ZC3H15: variants seen among roughly 807,000 people sequenced by gnomAD.
The protein encoded by ZC3H15 is zinc finger CCCH domain-containing protein 15.
In ZC3H15, 15 loss-of-function variants were observed where a neutral mutation model predicts 51.2. The observed-to-expected ratio is 0.29, with a 90% CI of 0.20 to 0.45. The LOEUF (loss-of-function observed/expected upper bound fraction) is 0.45. Ranked by LOEUF, ZC3H15 falls within the 20% of genes least tolerant of loss-of-function variation. The probability of loss-of-function intolerance (pLI) is 1.00; values close to 1 mark genes in which losing one functional copy is unlikely to be tolerated. For missense variants in ZC3H15, 381 were observed against 494.7 expected (o/e 0.77, Z 2.18); for synonymous variants, 144 against 162.8 (o/e 0.88, Z 0.88).
At chr2:186,491,031 G>C (rs1234941730) in intron 1 of ZC3H15, among the ~76,000 whole-genome samples, 3 of 151,972 alleles carry the variant, frequency 2.0e-5, no homozygotes, top group African/African-American at 7.3e-5. Flanking sequence ...CTTTAGGTAG[G>C]GCTCTGTCCT....
rs566398732 is a variant in ZC3H15 at position 186,507,394 on chromosome 2, G to C, written c.1090+558G>C. ...ACAGTCCTCTCTCTCTTAATGTTTA[G>C]AGGGAAGACATGGTCATGGGAAGGG... is the stretch of plus-strand genomic sequence containing the variant. On this transcript the variant is annotated intron_variant, in intron 9 of 9. Coordinates refer to ENST00000337859, the MANE Select transcript of ZC3H15 (RefSeq NM_018471.3). The C allele has an allele frequency of 2.0e-5, 9 of 456,674 alleles. No individual in the cohort carries two copies. In the East Asian group the frequency reaches 6.3e-4, roughly 32 times the overall value. 28.3% of individuals were successfully genotyped at this position (456,674 alleles called of 1,614,324 possible).
chr2:186,486,278 T>C lies in ZC3H15; in HGVS notation c.-105T>C, dbSNP rs1685089566. The C allele has an allele frequency of 8.0e-7, 1 of 1,255,422 alleles. No homozygotes were observed. Among genetic ancestry groups the C allele is most frequent in the Non-Finnish European group, 1.1e-6 (1 of 947,426 alleles). The allele number at this position is 1,255,422 out of a possible 1,614,324, so 77.8% of individuals were successfully genotyped here. A position where few individuals can be genotyped will look rare whatever the true frequency, so the allele number is the denominator to read the frequency against. The stretch of plus-strand genomic sequence containing the variant: ...AATGAGCGACTCGCTTTCCGTGCGG[T>C]GCGGCGAGTGAGGCCCCGGTCTTCC... On this transcript the variant is annotated 5_prime_UTR_variant, in exon 1 of 10. Transcript: ENST00000337859.
At chr2:186,494,855 G>A (rs1053937269) in intron 1 of ZC3H15, among the ~76,000 whole-genome samples, 2 of 152,100 alleles carry the variant, frequency 1.3e-5, no homozygotes, top group East Asian at 1.9e-4. Context: ...ATTAGGAGAT[G>A]TACCTAATGT....
intron 2 of ZC3H15, among the ~76,000 whole-genome samples, chr2:186,499,852 G>A (rs1559010560): frequency 6.6e-6 from 1 of 152,158 alleles, no homozygotes; most frequent in Admixed American, 6.5e-5. Flanking sequence ...TCTTCAAAAT[G>A]AACCTGTACG....
intron 2 of ZC3H15, among the ~76,000 whole-genome samples, chr2:186,499,150 A>T (rs1033190920): frequency 1.7e-4 from 26 of 152,240 alleles, no homozygotes; most frequent in African/African-American, 6.3e-4. Context: ...CATCCTTACC[A>T]GTAATGCTCA....
intron 5 of ZC3H15, among the ~76,000 whole-genome samples, chr2:186,502,808 G>A (rs780395337): frequency 2.1e-4 from 32 of 152,030 alleles, no homozygotes; most frequent in Non-Finnish European, 3.8e-4. Flanking sequence ...CTATGTTACT[G>A]AAGTCCTTTA....
At chr2:186,488,437 CCTT>C (rs1372932051) in intron 1 of ZC3H15, among the ~76,000 whole-genome samples, 5 of 152,124 alleles carry the variant, frequency 3.3e-5, no homozygotes, top group South Asian at 2.1e-4. Context: ...GCCTTTGTGT[CCTT>C]CTTCTTGCTT....
At chr2:186,489,135 T>G (rs1280504921) in intron 1 of ZC3H15, 1 of 152,250 alleles carries the variant, frequency 6.6e-6, no homozygotes, top group Non-Finnish European at 1.5e-5. Flanking sequence ...TCTTGTAATC[T>G]AGATGTTCTT....
At position 186,504,233 on chromosome 2, in the gene ZC3H15, C is replaced by T. The variant is rs201833571; in HGVS notation, c.717+19C>T. On this transcript the variant is annotated intron_variant, in intron 6 of 9. Coordinates refer to ENST00000337859, the MANE Select transcript of ZC3H15 (RefSeq NM_018471.3). ...GAGAGAGGTAACTGGTATCCTTTTC[C>T]TACCATAAAAACTGAAAGCAGTATT... 1.6e-5 allele frequency: 24 copies of T among 1,531,598 alleles called. No homozygotes were observed. Among genetic ancestry groups the T allele is most frequent in the Admixed American group, 2.0e-5 (1 of 49,412 alleles). 94.9% of individuals were successfully genotyped at this position (1,531,598 alleles called of 1,614,324 possible).
At chr2:186,506,315 C>A (rs892813235) in intron 8 of ZC3H15, among the ~76,000 whole-genome samples, 1 of 152,042 alleles carries the variant, frequency 6.6e-6, no homozygotes, top group African/African-American at 2.4e-5. Flanking sequence ...TTTTTGTGTA[C>A]TTACAAAATT....
intron 1 of ZC3H15, among the ~76,000 whole-genome samples, chr2:186,494,307 C>T (rs1178630165): frequency 6.6e-6 from 1 of 152,066 alleles, no homozygotes; most frequent in East Asian, 1.9e-4. Flanking sequence ...GTATACATTT[C>T]AGTAGTTTGA....
At chr2:186,492,618 CT>C (rs1685218044) in intron 1 of ZC3H15, among the ~76,000 whole-genome samples, 1 of 152,148 alleles carries the variant, frequency 6.6e-6, no homozygotes, top group African/African-American at 2.4e-5. Flanking sequence ...ACCCTCTGTA[CT>C]TTTTTGTCTT....
At chr2:186,497,525 A>G (rs1051825877) in intron 2 of ZC3H15, among the ~76,000 whole-genome samples, 1 of 152,078 alleles carries the variant, frequency 6.6e-6, no homozygotes, top group Admixed American at 6.5e-5. Context: ...TTGTTACATG[A>G]TCCTTAAATA....
chr2:186,501,261 C>A lies in ZC3H15; in HGVS notation c.290-12C>A. 2 of 1,593,068 alleles carry A rather than the reference C, an allele frequency of 1.3e-6. No individual in the cohort carries two copies. The highest frequency in any genetic ancestry group is 1.7e-6 in the Non-Finnish European group (2 of 1,169,872). ...AGATTATAATACAAATACCATATGC[C>A]ATTTGACATAGGTGCAGATCCCAAG... On this transcript the variant is annotated splice_polypyrimidine_tract_variant and intron_variant, in intron 3 of 9. Transcript: ENST00000337859.
intron 6 of ZC3H15, chr2:186,504,994 C>T (rs898675959): frequency 1.3e-5 from 2 of 152,434 alleles, no homozygotes; most frequent in African/African-American, 4.8e-5. Context: ...GCATTTAATA[C>T]CTGGCAAGTG....
In ZC3H15 at chr2:186,508,787, C is replaced by A; in HGVS notation, c.*54C>A. On this transcript the variant is annotated 3_prime_UTR_variant, in exon 10 of 10. Coordinates refer to ENST00000337859, the MANE Select transcript of ZC3H15 (RefSeq NM_018471.3). Reference sequence around the variant, plus strand: ...TCAGCTCAGCACGAGTTGAAATTGACTACATTAATTTCTTTCCACCTAGAA... The same window carrying A: ...TCAGCTCAGCACGAGTTGAAATTGAATACATTAATTTCTTTCCACCTAGAA... 1 of 1,547,944 alleles carries A rather than the reference C, an allele frequency of 6.5e-7. No homozygotes were observed. The highest frequency in any genetic ancestry group is 8.9e-7 in the Non-Finnish European group (1 of 1,127,260).
intron 1 of ZC3H15, among the ~76,000 whole-genome samples, chr2:186,494,410 G>A (rs1380067973): frequency 6.6e-6 from 1 of 152,088 alleles, no homozygotes; most frequent in Non-Finnish European, 1.5e-5. Flanking sequence ...TTCTTATGTA[G>A]TAGTCCCAAA....
In ZC3H15 at chr2:186,504,143, G is replaced by T. The variant is rs1321138963; in HGVS notation, c.646G>T (p.Val216Leu). 1.1e-4 allele frequency: 184 copies of T among 1,609,996 alleles called. No homozygotes were observed. Among genetic ancestry groups the T allele is most frequent in the Non-Finnish European group, 1.5e-4 (182 of 1,178,052 alleles). ...MYRHALPPGF[V>L]LKKDKKKEEK... ...TCGTCATGCACTTCCTCCTGGATTTGTGTTGAAAAAAGATAAAAAGAAAGA... is the reference window on the plus strand; with the variant it reads ...TCGTCATGCACTTCCTCCTGGATTTTTGTTGAAAAAAGATAAAAAGAAAGA... Residue 216 changes from valine to leucine, a missense_variant, in exon 6 of 10, where the codon GTG becomes TTG. Coordinates refer to ENST00000337859, the MANE Select transcript of ZC3H15 (RefSeq NM_018471.3).
chr2:186,500,315 T>G, intron 3 of ZC3H15, 22 bp downstream of exon 3: 1 of 1,558,636 alleles, frequency 6.4e-7, no homozygotes, highest in African/African-American at 1.4e-5. Flanking sequence ...ATTTCAGAAG[T>G]GTGATTTTTT....
Sources: allele counts gnomAD v4.1 joint callset (sites outside exome capture counted in the v4.1 genomes callset), GRCh38; gene constraint gnomAD v4.1.1; transcripts MANE v1.5; gene names NCBI Gene and HGNC (gene_info 2026-07-23, HGNC 2026-07-21).